Variants in ANKS1B observed in about 807,000 individuals in gnomAD.
ANKS1B encodes ankyrin repeat and sterile alpha motif domain-containing protein 1B.
A neutral mutation model predicts 148.3 loss-of-function variants in ANKS1B; 36 were observed. That is an observed-to-expected ratio of 0.24 (90% CI 0.19 to 0.32). The LOEUF is 0.32. Ranked by LOEUF, ANKS1B falls within the 10% of genes least tolerant of loss-of-function variation. The probability of loss-of-function intolerance (pLI) is 1.00; values close to 1 mark genes in which losing one functional copy is unlikely to be tolerated. For missense variants in ANKS1B, 1,157 were observed against 1,542.6 expected (o/e 0.75, Z 4.19); for synonymous variants, 542 against 560.8 (o/e 0.97, Z 0.47).
intron 8 of ANKS1B, among the ~76,000 whole-genome samples, chr12:99,717,824 C>T (rs1372659180): frequency 6.6e-6 from 1 of 151,888 alleles, no homozygotes; most frequent in Non-Finnish European, 1.5e-5. Flanking sequence ...TGCCTCCAAA[C>T]TGTTGTGGGT....
intron 15 of ANKS1B, among the ~76,000 whole-genome samples, chr12:99,088,554 T>C (rs890137378): frequency 6.6e-6 from 1 of 151,860 alleles, no homozygotes; most frequent in Admixed American, 6.5e-5. Context: ...CAAGAATATA[T>C]ATTTTTTTTT....
chr12:98,965,867 C>G (rs1038978326), intron 17 of ANKS1B, among the ~76,000 whole-genome samples: 1 of 152,152 alleles, frequency 6.6e-6, no homozygotes, highest in African/African-American at 2.4e-5. Context: ...GAAACTGGAT[C>G]CCTTCCTTAC....
chr12:99,281,349 G>T (rs1018907786), intron 12 of ANKS1B, among the ~76,000 whole-genome samples: 1 of 152,210 alleles, frequency 6.6e-6, no homozygotes, highest in Non-Finnish European at 1.5e-5. Context: ...AACTGTTTCA[G>T]TGGAATGAAT....
At chr12:99,635,390 G>A (rs557264770) in intron 9 of ANKS1B, among the ~76,000 whole-genome samples, 5 of 152,146 alleles carry the variant, frequency 3.3e-5, no homozygotes, top group South Asian at 4.2e-4. Context: ...AACAAAATAT[G>A]GTATATACAC....
intron 14 of ANKS1B, among the ~76,000 whole-genome samples, chr12:99,224,903 T>C (rs937911569): frequency 3.3e-5 from 5 of 152,148 alleles, no homozygotes; most frequent in Admixed American, 1.3e-4. Flanking sequence ...TACATAAAAA[T>C]TTAGGTCATG....
intron 12 of ANKS1B, among the ~76,000 whole-genome samples, chr12:99,392,770 C>T (rs898909794): frequency 1.3e-5 from 2 of 152,062 alleles, no homozygotes; most frequent in African/African-American, 2.4e-5. Context: ...TGCTATTTTT[C>T]GGTCTTTTAA....
At chr12:99,780,492 A>C (rs34692961) in intron 5 of ANKS1B, among the ~76,000 whole-genome samples, 13,051 of 151,514 alleles carry the variant, frequency 0.086, 789 homozygotes, top group Non-Finnish European at 0.13. Context: ...CTGTGTTAGC[A>C]AGGATGGTCT....
chr12:99,239,338 T>C (rs2088743673), intron 14 of ANKS1B, among the ~76,000 whole-genome samples: 1 of 151,992 alleles, frequency 6.6e-6, no homozygotes, highest in South Asian at 2.1e-4. Flanking sequence ...ATCAAATAAA[T>C]GAAATAAAGC....
At chr12:99,212,173 T>C (rs950892085) in intron 14 of ANKS1B, among the ~76,000 whole-genome samples, 1 of 152,196 alleles carries the variant, frequency 6.6e-6, no homozygotes, top group Non-Finnish European at 1.5e-5. Flanking sequence ...GCTCAGATGG[T>C]ATCACTCCTT....
rs1405425246 is a variant in ANKS1B at position 99,191,904 on chromosome 12, C to T, written c.2420-37509G>A. Among the ~76,000 whole-genome samples the T allele has an allele frequency of 3.9e-5, 6 of 152,044 alleles. No individual in the cohort carries two copies. In the South Asian group the frequency reaches 6.2e-4, roughly 16 times the overall value. On this transcript the variant is annotated intron_variant, in intron 14 of 26. Coordinates refer to ENST00000683438, the MANE Select transcript of ANKS1B (RefSeq NM_001352186.2). ...ATCCCAGCACTTTGGGAGGCCAAGGCGGGCAGATCACGAGGTCAGGAGTTT... is the reference window on the plus strand; with the variant it reads ...ATCCCAGCACTTTGGGAGGCCAAGGTGGGCAGATCACGAGGTCAGGAGTTT...
chr12:99,701,749 T>C (rs1275427845), intron 8 of ANKS1B, among the ~76,000 whole-genome samples: 2 of 152,114 alleles, frequency 1.3e-5, no homozygotes, highest in African/African-American at 2.4e-5. Context: ...ATAAGTTCAA[T>C]TGTTTTGATT....
In ANKS1B at chr12:99,246,644, A is replaced by C; in HGVS notation, c.1977T>G (p.Pro659=). ...KQSPIENNSE[P]LVKKIKPKVV... is the part of the protein sequence containing the mutation. The stretch of plus-strand genomic sequence containing the variant: ...CTTTGGGTTTAATTTTCTTTACCAA[A>C]GGTTCTGAGTTATTTTCTATTGGAG... The change falls in exon 13 of 27, where the codon CCT becomes CCG. Residue 659 remains proline (P), a synonymous_variant. Coordinates refer to ENST00000683438, the MANE Select transcript of ANKS1B (RefSeq NM_001352186.2). 1 of 1,613,644 alleles carries C rather than the reference A, an allele frequency of 6.2e-7. No individual in the cohort carries two copies. Among genetic ancestry groups the C allele is most frequent in the Non-Finnish European group, 8.5e-7 (1 of 1,179,806 alleles).
At chr12:98,823,797 A>G (rs1397462765) in intron 19 of ANKS1B, among the ~76,000 whole-genome samples, 1 of 152,274 alleles carries the variant, frequency 6.6e-6, no homozygotes, top group Non-Finnish European at 1.5e-5. Context: ...TGGCCAAAAA[A>G]GCCACTTTCC....
chr12:99,225,148 C>T (rs2085706569), intron 14 of ANKS1B, among the ~76,000 whole-genome samples: 1 of 152,162 alleles, frequency 6.6e-6, no homozygotes, highest in South Asian at 2.1e-4. Flanking sequence ...CATACTCCCC[C>T]TTTCCCTGAA....
chr12:98,851,453 G>T (rs928302502), intron 17 of ANKS1B, among the ~76,000 whole-genome samples: 2 of 152,140 alleles, frequency 1.3e-5, no homozygotes, highest in Non-Finnish European at 2.9e-5. Flanking sequence ...AGTCTCAGAC[G>T]TGTGCAAGGA....
chr12:99,041,594 T>C (rs1408485404), intron 17 of ANKS1B, among the ~76,000 whole-genome samples: 1 of 152,150 alleles, frequency 6.6e-6, no homozygotes, highest in Non-Finnish European at 1.5e-5. Flanking sequence ...TGAGCCCCCA[T>C]TGATCATCTT....
intron 22 of ANKS1B, chr12:98,794,688 C>A (rs1402517331): frequency 4.3e-6 from 4 of 936,468 alleles, no homozygotes; most frequent in African/African-American, 3.2e-5. Context: ...GTGGATAATT[C>A]ATTTGAATTT....
intron 12 of ANKS1B, among the ~76,000 whole-genome samples, chr12:99,304,683 T>C (rs11109801): frequency 7.9e-5 from 12 of 152,044 alleles, no homozygotes; most frequent in Admixed American, 5.3e-4. Context: ...CAGTAAACAA[T>C]TGAGAATTGC....
chr12:99,691,218 C>G (rs1257028762), intron 8 of ANKS1B, among the ~76,000 whole-genome samples: 6 of 152,206 alleles, frequency 3.9e-5, no homozygotes, highest in Non-Finnish European at 8.8e-5. Context: ...ACCATACTTC[C>G]TCCCAGGCCT....
Sources: allele counts gnomAD v4.1 joint callset (sites outside exome capture counted in the v4.1 genomes callset), GRCh38; gene constraint gnomAD v4.1.1; transcripts MANE v1.5; gene names NCBI Gene and HGNC (gene_info 2026-07-23, HGNC 2026-07-21).